The following CNNM4 variants were observed in gnomAD, a reference collection of about 807,000 sequenced individuals.
CNNM4 encodes the protein cyclin and CBS domain divalent metal cation transport mediator 4, also known as metal transporter CNNM4.
Under a neutral mutation model 53.7 loss-of-function variants are expected in CNNM4, and 32 were observed. That is an observed-to-expected ratio of 0.60 (90% CI 0.45 to 0.80). The LOEUF (loss-of-function observed/expected upper bound fraction) is 0.80, where lower values mean the gene tolerates loss of function less well. Ranked by LOEUF, CNNM4 falls within the 30% of genes least tolerant of loss-of-function variation. The pLI, the probability that CNNM4 is intolerant of heterozygous loss-of-function variation, is 0.00. For synonymous variants in CNNM4, 410 were observed against 440.0 expected, an observed-to-expected ratio of 0.93 and a Z score of 0.85; for missense variants, 784 against 1,022.0, an observed-to-expected ratio of 0.77 and a Z score of 3.17.
Position 96,808,748 on chromosome 2 carries a change from T to C in CNNM4, c.2130+6T>C. On this transcript the variant is annotated splice_donor_region_variant and intron_variant, in intron 6 of 6. Coordinates refer to ENST00000377075, the MANE Select transcript of CNNM4 (RefSeq NM_020184.4). This position sits in a 1 kb window ranked among gnomAD's most constrained non-coding sequence, Gnocchi z 4.9. Reference sequence around the variant, plus strand: ...TGGACTTGCAGTACATCAAGGTGAGTGCCTCACTGCCCTGTCTGGGCAGTG... The same window carrying C: ...TGGACTTGCAGTACATCAAGGTGAGCGCCTCACTGCCCTGTCTGGGCAGTG... The C allele has an allele frequency of 6.2e-7, 1 of 1,613,610 alleles. No individual in the cohort carries two copies. Among genetic ancestry groups the C allele is most frequent in the Non-Finnish European group, 8.5e-7 (1 of 1,179,590 alleles).
chr2:96,787,689 C>T (rs1018864980), intron 1 of CNNM4, among the ~76,000 whole-genome samples: 4 of 152,086 alleles, frequency 2.6e-5, no homozygotes, highest in African/African-American at 4.8e-5. Context: ...GAAACCTCAT[C>T]TCTACAAAAT....
chr2:96,807,536 AC>A (rs1295180928), intron 5 of CNNM4, among the ~76,000 whole-genome samples: 2 of 152,160 alleles, frequency 1.3e-5, no homozygotes, highest in Non-Finnish European at 2.9e-5. Flanking sequence ...TCTCAAAAAA[AC>A]AAAAACAAAA....
At position 96,761,569 on chromosome 2, in the gene CNNM4, G is replaced by A. The variant is rs149951530; in HGVS notation, c.570G>A (p.Thr190=). 1 of 1,614,122 alleles carries A rather than the reference G, an allele frequency of 6.2e-7. No homozygotes were observed. The highest frequency in any genetic ancestry group is 1.3e-5 in the African/African-American group (1 of 75,052). Residue 190 remains threonine (T), a synonymous_variant, in exon 1 of 7, where the codon ACG becomes ACA. Coordinates refer to ENST00000377075, the MANE Select transcript of CNNM4 (RefSeq NM_020184.4). The surrounding 1 kb of genome is among the most constrained non-coding windows in gnomAD (Gnocchi z 6.0). ...TCTGGCTGCACATTCTCCTAATTAC[G>A]GTGCTGCTGGTGCTGTCGGGCATAT... ...LPLWLHILLI[T]VLLVLSGIFS...
At chr2:96,780,079 C>A (rs1574064583) in intron 1 of CNNM4, among the ~76,000 whole-genome samples, 1 of 152,110 alleles carries the variant, frequency 6.6e-6, no homozygotes, top group Non-Finnish European at 1.5e-5. Flanking sequence ...GGGTTACAGG[C>A]AGGAGCCACC....
At chr2:96,774,829 T>A (rs2078909298) in intron 1 of CNNM4, among the ~76,000 whole-genome samples, 1 of 151,446 alleles carries the variant, frequency 6.6e-6, no homozygotes, top group African/African-American at 2.4e-5. Flanking sequence ...CTGGGTGTGA[T>A]GTGTGCCTGT....
At chr2:96,762,933 T>C (rs924946532) in intron 1 of CNNM4, among the ~76,000 whole-genome samples, 7 of 152,116 alleles carry the variant, frequency 4.6e-5, no homozygotes, top group Non-Finnish European at 1.0e-4. Context: ...ATAGTGGCTC[T>C]GATGCTTAGT....
intron 1 of CNNM4, among the ~76,000 whole-genome samples, chr2:96,769,591 G>A (rs1347461893): frequency 1.3e-5 from 2 of 151,660 alleles, no homozygotes; most frequent in Admixed American, 1.3e-4. Flanking sequence ...GAATGTGTGA[G>A]AGAGGAAAGG....
chr2:96,794,372 C>T (rs1173061357), intron 1 of CNNM4, among the ~76,000 whole-genome samples: 1 of 152,112 alleles, frequency 6.6e-6, no homozygotes, highest in Non-Finnish European at 1.5e-5. Context: ...ACTCCAAATA[C>T]CCCCAAAGGT....
chr2:96,765,024 G>GTTTTGTTTTTTTTTTTTTTT (rs2078801834), intron 1 of CNNM4, among the ~76,000 whole-genome samples: 1 of 41,520 alleles, frequency 2.4e-5, no homozygotes, highest in African/African-American at 8.8e-5. Flanking sequence ...GTTGGGAATG[G>GTTTTGTTTTTTTTTTTTTTT]TTTTTTTTTT....
intron 5 of CNNM4, among the ~76,000 whole-genome samples, chr2:96,807,085 G>A (rs574287551): frequency 2.6e-5 from 4 of 152,110 alleles, no homozygotes; most frequent in South Asian, 2.1e-4. Context: ...ATCTCGGCTC[G>A]TTACAACCTC....
At chr2:96,799,343 G>A in intron 4 of CNNM4, 117 bp downstream of exon 4, 1 of 1,421,246 alleles carries the variant, frequency 7.0e-7, no homozygotes, top group East Asian at 2.3e-5. Flanking sequence ...GGAGCCTGCT[G>A]CCTGCCCTTG....
chr2:96,769,940 G>T (rs925110321), intron 1 of CNNM4, among the ~76,000 whole-genome samples: 6 of 152,242 alleles, frequency 3.9e-5, no homozygotes, highest in Admixed American at 3.9e-4. Flanking sequence ...AGAGGTCCCA[G>T]CAGGGACAGC....
intron 3 of CNNM4, among the ~76,000 whole-genome samples, chr2:96,798,813 G>A (rs1002541602): frequency 1.1e-4 from 17 of 152,162 alleles, no homozygotes; most frequent in African/African-American, 4.1e-4. Context: ...TTTGCCCAAG[G>A]TCATGTGCTG....
rs891188839 is a variant in CNNM4 at position 96,809,117 on chromosome 2, C to T, written c.2131-203C>T. The T allele has an allele frequency of 1.5e-5, 17 of 1,149,218 alleles. No individual in the cohort carries two copies. The Admixed American group carries it at 3.1e-4, about 21-fold the overall frequency. 71.2% of individuals were successfully genotyped at this position (1,149,218 alleles called of 1,614,324 possible). On this transcript the variant is annotated intron_variant, in intron 6 of 6. Coordinates refer to ENST00000377075, the MANE Select transcript of CNNM4 (RefSeq NM_020184.4). ...TCAGCCTCCTGAAGTGCTGGGATTA[C>T]AGGTGTGAGCCACTGTGCCCAGCCC... is the stretch of plus-strand genomic sequence containing the variant.
intron 1 of CNNM4, among the ~76,000 whole-genome samples, chr2:96,764,508 A>G (rs112934239): frequency 1.7e-3 from 259 of 151,864 alleles, no homozygotes; most frequent in African/African-American, 6.1e-3. Flanking sequence ...CGACAAATGA[A>G]CAGGCCCTGC....
chr2:96,768,868 C>G (rs551546784), intron 1 of CNNM4, among the ~76,000 whole-genome samples: 1 of 152,296 alleles, frequency 6.6e-6, no homozygotes, highest in South Asian at 2.1e-4. Flanking sequence ...TGGACCACAC[C>G]AGTGTGCAGT....
chr2:96,801,950 CA>C lies in CNNM4; in HGVS notation c.1948+2303del, dbSNP rs544189584. Among the ~76,000 whole-genome samples the C allele has an allele frequency of 6.6e-6, 1 of 150,782 alleles. No homozygotes were observed. The highest frequency in any genetic ancestry group is 2.1e-4 in the South Asian group (1 of 4,728). On this transcript the variant is annotated intron_variant, in intron 5 of 6. Coordinates refer to ENST00000377075, the MANE Select transcript of CNNM4 (RefSeq NM_020184.4). The surrounding 1 kb of genome is among the most constrained non-coding windows in gnomAD (Gnocchi z 5.6). ...AGACACACAAACACACACCCATAGG[CA>C]CACACCCATAGGCACACACACAAAG...
intron 1 of CNNM4, among the ~76,000 whole-genome samples, chr2:96,766,092 T>A (rs1226555696): frequency 6.8e-6 from 1 of 147,150 alleles, no homozygotes; most frequent in Non-Finnish European, 1.5e-5. Flanking sequence ...CCTTTTTTTT[T>A]TTCTTTTCTT....
Position 96,761,689 on chromosome 2 carries a change from C to A in CNNM4, c.690C>A (p.Arg230=). The part of the protein sequence containing the change: ...CGTEKERRYA[R]KIEPIRRKGN... ...CCGAGAAGGAGAGGCGCTATGCCCG[C>A]AAGATTGAGCCCATCCGGCGCAAGG... Residue 230 remains arginine (R), a synonymous_variant, in exon 1 of 7, where the codon CGC becomes CGA. Coordinates refer to ENST00000377075, the MANE Select transcript of CNNM4 (RefSeq NM_020184.4). The surrounding 1 kb of genome is among the most constrained non-coding windows in gnomAD (Gnocchi z 6.0). The A allele has an allele frequency of 6.2e-7, 1 of 1,610,274 alleles. No homozygotes were observed. The highest frequency in any genetic ancestry group is 8.5e-7 in the Non-Finnish European group (1 of 1,179,990).
Sources: allele counts gnomAD v4.1 joint callset (sites outside exome capture counted in the v4.1 genomes callset), GRCh38; gene constraint gnomAD v4.1.1; non-coding constraint Gnocchi (gnomAD v3.1); transcripts MANE v1.5; gene names NCBI Gene and HGNC (gene_info 2026-07-23, HGNC 2026-07-21).